ABI3BP: variants seen among roughly 807,000 people sequenced by gnomAD.
ABI3BP encodes target of Nesh-SH3.
In ABI3BP, 216 loss-of-function variants were observed where a neutral mutation model predicts 268.6. The observed-to-expected ratio is 0.80, with a 90% CI of 0.72 to 0.90. The LOEUF is 0.90. Ranked by LOEUF, ABI3BP falls within the 40% of genes least tolerant of loss-of-function variation. The pLI is 0.00. For missense variants in ABI3BP, 2,090 were observed against 2,182.4 expected, an observed-to-expected ratio of 0.96 and a Z score of 0.84; for synonymous variants, 730 against 730.0, an observed-to-expected ratio of 1.00 and a Z score of 0.00.
chr3:100,926,249 C>A lies in ABI3BP; in HGVS notation c.259+53G>T. 4 of 1,558,846 alleles carry A rather than the reference C, an allele frequency of 2.6e-6. No individual in the cohort carries two copies. In the South Asian group the frequency reaches 4.6e-5, roughly 18 times the overall value. On this transcript the variant is annotated intron_variant, in intron 2 of 67. Transcript: ENST00000471714. The stretch of plus-strand genomic sequence containing the variant: ...ATCAAGATTTGTAGGTCATGTTACA[C>A]CCCCCCACCTCTTACCTCCTTTCCT...
intron 1 of ABI3BP, among the ~76,000 whole-genome samples, chr3:100,937,178 A>C (rs1407676457): frequency 2.0e-5 from 3 of 152,110 alleles, no homozygotes; most frequent in Non-Finnish European, 4.4e-5. Flanking sequence ...AGAATGGCTG[A>C]AATTAAAGAC....
At position 100,749,611 on chromosome 3, in the gene ABI3BP, T is replaced by TATAA. The variant is rs573536899; in HGVS notation, c.*880_*883dup. The TATAA allele has an allele frequency of 2.6e-3, 1,037 of 398,374 alleles. 15 individuals are homozygous for TATAA. The highest frequency in any genetic ancestry group is 0.024 in the South Asian group (186 of 7,854). The allele number at this position is 398,374 out of a possible 1,614,324, so 24.7% of individuals were successfully genotyped here. A position where few individuals can be genotyped will look rare whatever the true frequency, so the allele number is the denominator to read the frequency against. ...ACATTCATTCATAGAGGTCTTAACG[T>TATAA]ATAAATACATAGTAAATATCCTATA... On this transcript the variant is annotated 3_prime_UTR_variant, in exon 68 of 68. Coordinates refer to ENST00000471714, the MANE Select transcript of ABI3BP (RefSeq NM_001375547.2).
At chr3:100,804,887 T>G (rs755825359) in intron 50 of ABI3BP, 21 bp from the exon 51 acceptor site, 2 of 1,606,188 alleles carry the variant, frequency 1.2e-6, no homozygotes, top group South Asian at 2.2e-5. Flanking sequence ...GAACTCATAT[T>G]GTAAGTCATT....
intron 1 of ABI3BP, among the ~76,000 whole-genome samples, chr3:100,943,476 T>C (rs549293318): frequency 2.6e-5 from 4 of 152,096 alleles, no homozygotes; most frequent in Non-Finnish European, 4.4e-5. Flanking sequence ...CCAAATGCCA[T>C]ACATCTGTGT....
At chr3:100,924,152 G>A (rs927713193) in intron 2 of ABI3BP, among the ~76,000 whole-genome samples, 10 of 151,954 alleles carry the variant, frequency 6.6e-5, no homozygotes, top group African/African-American at 9.7e-5. Flanking sequence ...TATAGAATAC[G>A]GACATTCTCT....
In ABI3BP at chr3:100,983,410, A is replaced by G. The variant is rs1868495; in HGVS notation, c.79+9896T>C. ...TTTATATAACCCGTACTTTCTGAGT[A>G]TGGAAATCCATTGCATATTTACTTA... On this transcript the variant is annotated intron_variant, in intron 1 of 67. Transcript: ENST00000471714. Among the ~76,000 whole-genome samples the G allele has an allele frequency of 1.9e-3, 295 of 152,392 alleles. 3 individuals carry two copies. In the East Asian group the frequency reaches 0.02, roughly 10 times the overall value.
At position 100,842,032 on chromosome 3, in the gene ABI3BP, T is replaced by A. The variant is rs2098712475; in HGVS notation, c.1731A>T (p.Glu577Asp). ...PEVTHTKPAPEPQTLLPSQST... is the reference protein window; with the variant it reads ...PEVTHTKPAPDPQTLLPSQST... ...ACTGTGATGGCAGTAGAGTCTGAGG[T>A]TCTGGGGCTGTAATAAAAGCAAGTA... is the stretch of plus-strand genomic sequence containing the variant. Residue 577 changes from glutamate (E) to aspartate (D), a missense_variant, in exon 21 of 68, where the codon GAA becomes GAT. Physicochemically the swap from Glu to Asp is conservative, Grantham distance 45. Coordinates refer to ENST00000471714, the MANE Select transcript of ABI3BP (RefSeq NM_001375547.2). The A allele has an allele frequency of 3.3e-6, 5 of 1,534,440 alleles. No individual in the cohort carries two copies. In the Admixed American group the frequency reaches 9.8e-5, roughly 30 times the overall value.
intron 42 of ABI3BP, 48 bp from the exon 43 acceptor site, chr3:100,816,816 C>T (rs995637754): frequency 3.5e-6 from 5 of 1,434,190 alleles, no homozygotes; most frequent in Admixed American, 2.0e-5. Flanking sequence ...GCTTTGGAGA[C>T]AAAACTTTAG....
intron 12 of ABI3BP, 139 bp downstream of exon 12, chr3:100,863,863 T>C (rs1402665407): frequency 1.5e-6 from 1 of 646,696 alleles, no homozygotes; most frequent in Non-Finnish European, 2.6e-6. Flanking sequence ...GGAGAGCCTC[T>C]TTGGGATCCT....
intron 51 of ABI3BP, among the ~76,000 whole-genome samples, chr3:100,801,674 T>C (rs1204278723): frequency 1.3e-5 from 2 of 151,968 alleles, no homozygotes; most frequent in East Asian, 3.8e-4. Flanking sequence ...AGGAAAATTG[T>C]TTGAAAAAAA....
intron 24 of ABI3BP, 35 bp downstream of exon 24, chr3:100,839,534 C>A (rs1258265759): frequency 6.5e-7 from 1 of 1,534,564 alleles, no homozygotes; most frequent in South Asian, 1.2e-5. Context: ...AGCTACAACC[C>A]GTGAAAGCAG....
chr3:100,810,266 T>C, intron 49 of ABI3BP, 146 bp downstream of exon 49: 1 of 607,990 alleles, frequency 1.6e-6, no homozygotes, highest in Non-Finnish European at 2.8e-6. Context: ...TAATTACCAA[T>C]GATAGCAGGA....
At position 100,876,504 on chromosome 3, in the gene ABI3BP, C is replaced by A. The variant is rs937667218; in HGVS notation, c.745+8G>T. ...GCTCTAAACACATTTCCAGAGCAGA[C>A]AAATTACCTTGCTTGATGATTGTTA... is the stretch of plus-strand genomic sequence containing the variant. On this transcript the variant is annotated splice_region_variant and intron_variant, in intron 7 of 67. Transcript: ENST00000471714. The A allele has an allele frequency of 6.2e-7, 1 of 1,611,310 alleles. No homozygotes were observed. Among genetic ancestry groups the A allele is most frequent in the Non-Finnish European group, 8.5e-7 (1 of 1,177,950 alleles).
At chr3:100,765,746 C>A (rs913693871) in intron 63 of ABI3BP, 95 bp downstream of exon 63, 2 of 996,150 alleles carry the variant, frequency 2.0e-6, no homozygotes, top group Non-Finnish European at 3.1e-6. Context: ...TAGAGCCACC[C>A]TCAAGACAGA....
intron 37 of ABI3BP, 112 bp downstream of exon 37, chr3:100,823,346 A>G: frequency 3.4e-6 from 3 of 888,116 alleles, no homozygotes; most frequent in Non-Finnish European, 4.9e-6. Context: ...TATAATTTCA[A>G]GAAGAGTTGA....
At position 100,851,869 on chromosome 3, in the gene ABI3BP, A is replaced by T. The variant is rs751900915; in HGVS notation, c.1351+6T>A. ...TCCAAAGACAGAATTGAGAGGCCAG[A>T]TATACCTGTGTAGGAATCTGATATC... On this transcript the variant is annotated splice_donor_region_variant and intron_variant, in intron 15 of 67. Coordinates refer to ENST00000471714, the MANE Select transcript of ABI3BP (RefSeq NM_001375547.2). 1 of 1,591,164 alleles carries T rather than the reference A, an allele frequency of 6.3e-7. No individual in the cohort carries two copies. The highest frequency in any genetic ancestry group is 8.6e-7 in the Non-Finnish European group (1 of 1,169,252).
At chr3:100,967,919 T>C (rs961425743) in intron 1 of ABI3BP, among the ~76,000 whole-genome samples, 9 of 152,180 alleles carry the variant, frequency 5.9e-5, no homozygotes, top group African/African-American at 2.2e-4. Flanking sequence ...CATGCCTATG[T>C]GAAACAACTG....
chr3:100,930,244 A>C (rs1319855975), intron 1 of ABI3BP, among the ~76,000 whole-genome samples: 3 of 152,030 alleles, frequency 2.0e-5, no homozygotes, highest in African/African-American at 7.2e-5. Context: ...GAAAAATAAG[A>C]CTACTGGAAG....
intron 29 of ABI3BP, among the ~76,000 whole-genome samples, chr3:100,833,379 T>C (rs950197732): frequency 6.6e-6 from 1 of 152,194 alleles, no homozygotes; most frequent in African/African-American, 2.4e-5. Flanking sequence ...CCAGTTTTTC[T>C]TATTTTTATA....
Sources: gnomAD v4.1 joint callset for allele counts (sites outside exome capture counted in the v4.1 genomes callset) on GRCh38, gnomAD v4.1.1 for gene constraint, MANE v1.5 for transcripts, NCBI Gene and HGNC (gene_info 2026-07-23, HGNC 2026-07-21) for gene names.